Variants in C12orf76 observed in about 807,000 individuals in gnomAD.
C12orf76 encodes chromosome 12 open reading frame 76, also known as uncharacterized protein C12orf76.
C12orf76 carries 6 observed loss-of-function variants against 6.8 expected under a neutral mutation model. The ratio of observed to expected loss-of-function variants is 0.88; its 90% CI spans 0.48 to 1.73. C12orf76 has a LOEUF of 1.73. C12orf76 is among the 40% of genes most tolerant of loss of function. C12orf76 has a pLI of 0.01. For synonymous variants in C12orf76, 56 were observed against 43.7 expected, an observed-to-expected ratio of 1.28 and a Z score of -1.11; for missense variants, 99 against 98.2, an observed-to-expected ratio of 1.01 and a Z score of -0.03.
intron 3 of C12orf76, chr12:110,057,320 C>T (rs748655790): frequency 6.6e-7 from 1 of 1,510,880 alleles, no homozygotes; most frequent in Non-Finnish European, 9.2e-7. Context: ...GCAAAAGTAA[C>T]ACCAAAGGGC....
chr12:110,062,124 C>T (rs754097453), intron 2 of C12orf76, among the ~76,000 whole-genome samples: 8 of 151,896 alleles, frequency 5.3e-5, no homozygotes, highest in African/African-American at 1.9e-4. Flanking sequence ...ATTAGCTGGG[C>T]GTGGTGGCGC....
upstream of C12orf76, among the ~76,000 whole-genome samples, chr12:110,053,529 T>A (rs1892619520): frequency 6.6e-6 from 1 of 152,068 alleles, no homozygotes; most frequent in South Asian, 2.1e-4. Context: ...CCCAGCTGAT[T>A]CTAATGCATA....
intron 2 of C12orf76, among the ~76,000 whole-genome samples, chr12:110,060,092 G>T (rs1892743846): frequency 6.6e-6 from 1 of 152,120 alleles, no homozygotes; most frequent in Non-Finnish European, 1.5e-5. Context: ...CAGGCATGGT[G>T]GCACATGCCT....
At chr12:110,070,803 CT>C (rs1892952858), upstream of C12orf76, among the ~76,000 whole-genome samples, 1 of 152,152 alleles carries the variant, frequency 6.6e-6, no homozygotes, top group Non-Finnish European at 1.5e-5. Context: ...GAGATGGAGT[CT>C]TGCTCTGTCA....
intron 2 of C12orf76, among the ~76,000 whole-genome samples, chr12:110,061,999 C>T (rs1198110138): frequency 1.3e-5 from 2 of 152,038 alleles, no homozygotes; most frequent in Non-Finnish European, 2.9e-5. Context: ...CGTGGTGGCT[C>T]ATGCCTGTAA....
At chr12:110,046,806 G>A (rs1178778191) in intron 1 of C12orf76, among the ~76,000 whole-genome samples, 6 of 152,158 alleles carry the variant, frequency 3.9e-5, no homozygotes, top group Non-Finnish European at 8.8e-5. Flanking sequence ...ATTTGGCAAT[G>A]TCTGGAGAGA....
In C12orf76 at chr12:110,042,227, T is replaced by G. The variant is rs1593241195; in HGVS notation, c.*147A>C. The G allele has an allele frequency of 6.6e-5, 43 of 648,612 alleles. No individual in the cohort carries two copies. The East Asian group carries it at 1.2e-3, about 18-fold the overall frequency. 40.2% of individuals were successfully genotyped at this position (648,612 alleles called of 1,614,324 possible). ...GGAAAAAATAATGTCTAGTACATGT[T>G]TTCTTCTAATTCATTTAGCATTTAC... is the stretch of plus-strand genomic sequence containing the variant. On this transcript the variant is annotated 3_prime_UTR_variant, in exon 2 of 2. Coordinates refer to ENST00000615315, the MANE Select transcript of C12orf76 (RefSeq NM_001389625.1).
At chr12:110,056,154 G>A (rs1339480508) in intron 4 of C12orf76, among the ~76,000 whole-genome samples, 1 of 152,090 alleles carries the variant, frequency 6.6e-6, no homozygotes, top group South Asian at 2.1e-4. Flanking sequence ...TTACCTGTAG[G>A]AGGGGAATAC....
exon 2 of C12orf76, chr12:110,065,927 T>C: frequency 6.2e-7 from 1 of 1,614,062 alleles, no homozygotes; most frequent in Non-Finnish European, 8.5e-7. Context: ...TTTACTGTTC[T>C]CTTGGTCCCG....
At chr12:110,051,391 A>G (rs920218738), upstream of C12orf76, 4 of 630,592 alleles carry the variant, frequency 6.3e-6, no homozygotes, top group Non-Finnish European at 1.1e-5. Context: ...TATCTGGCAC[A>G]TACTGAGCAC....
intron 2 of C12orf76, among the ~76,000 whole-genome samples, chr12:110,062,673 C>A (rs1374418063): frequency 1.3e-5 from 2 of 149,092 alleles, no homozygotes; most frequent in Non-Finnish European, 3.0e-5. Flanking sequence ...AGGCTGGAGT[C>A]TAGTGGCATA....
chr12:110,071,321 A>C (rs1892957759), upstream of C12orf76, among the ~76,000 whole-genome samples: 1 of 152,182 alleles, frequency 6.6e-6, no homozygotes, highest in Non-Finnish European at 1.5e-5. Context: ...ACATTTCCAG[A>C]TCTCAAATTC....
chr12:110,073,567 G>A (rs1371168996), exon 1 of C12orf76: 2 of 500,024 alleles, frequency 4.0e-6, no homozygotes, highest in South Asian at 1.5e-5. Flanking sequence ...CTTCCTGCGC[G>A]GGGCTGGACC....
chr12:110,059,187 A>G, intron 2 of C12orf76: 1 of 1,536,710 alleles, frequency 6.5e-7, no homozygotes, highest in South Asian at 1.2e-5. Flanking sequence ...AAATGCACAC[A>G]CACAATTAAT....
At chr12:110,043,239 A>C (rs1892362128) in intron 1 of C12orf76, among the ~76,000 whole-genome samples, 1 of 152,086 alleles carries the variant, frequency 6.6e-6, no homozygotes, top group South Asian at 2.1e-4. Flanking sequence ...AGAGGCAGGA[A>C]ATCAGGCCAG....
upstream of C12orf76, among the ~76,000 whole-genome samples, chr12:110,069,060 T>C (rs760783836): frequency 7.2e-4 from 109 of 152,266 alleles, no homozygotes; most frequent in Non-Finnish European, 1.3e-3. Flanking sequence ...GCAATAGTTT[T>C]TTCTTCAATT....
intron 2 of C12orf76, among the ~76,000 whole-genome samples, chr12:110,063,605 TA>T: frequency 8.2e-6 from 1 of 122,482 alleles, no homozygotes; most frequent in Non-Finnish European, 1.7e-5. Context: ...TTTTTATTTT[TA>T]TTTATTTATT....
In C12orf76 at chr12:110,056,035, T is replaced by C. The variant is rs184004490; in HGVS notation, n.664+1154A>G. Among the ~76,000 whole-genome samples the C allele has an allele frequency of 4.0e-5, 6 of 149,676 alleles. No homozygotes were observed. The East Asian group carries it at 7.9e-4, about 20-fold the overall frequency. The stretch of plus-strand genomic sequence containing the variant: ...TTGCAGTGAGCTGAGATTGCGCCAT[T>C]GCACTCCAGCCTGGGCAACAGAGCC... On this transcript the variant is annotated intron_variant and non_coding_transcript_variant, in intron 4 of 4. Transcript: ENST00000309050.
chr12:110,046,048 T>C (rs1047546751), intron 1 of C12orf76: 2 of 158,108 alleles, frequency 1.3e-5, no homozygotes, highest in African/African-American at 4.8e-5. Flanking sequence ...GCCTGATCAA[T>C]TCTCCCAGTC....
Sources: gnomAD v4.1 joint callset for allele counts (sites outside exome capture counted in the v4.1 genomes callset) on GRCh38, gnomAD v4.1.1 for gene constraint, MANE v1.5 for transcripts, NCBI Gene and HGNC (gene_info 2026-07-23, HGNC 2026-07-21) for gene names.